HERC1: variants seen among roughly 807,000 people sequenced by gnomAD.
HERC1 encodes the protein HECT and RLD domain containing E3 ubiquitin protein ligase family member 1.
HERC1 carries 160 observed loss-of-function variants against 554.3 expected under a neutral mutation model. The observed-to-expected ratio is 0.29, with a 90% confidence interval of 0.25 to 0.33. The LOEUF is 0.33. Among genes scored for constraint, HERC1 ranks in the 10% least tolerant of loss-of-function variants. HERC1 has a pLI of 1.00. For missense variants in HERC1, 4,919 were observed against 5,918.5 expected, an observed-to-expected ratio of 0.83 and a Z score of 5.54; for synonymous variants, 2,175 against 2,131.7, an observed-to-expected ratio of 1.02 and a Z score of -0.56.
intron 74 of HERC1, among the ~76,000 whole-genome samples, chr15:63,622,315 G>C (rs2068113286): frequency 6.9e-6 from 1 of 145,364 alleles, no homozygotes; most frequent in Non-Finnish European, 1.5e-5. Flanking sequence ...CTTGATGGAA[G>C]TGCCTGTTTC....
chr15:63,765,849 G>C (rs1322944104), intron 2 of HERC1, among the ~76,000 whole-genome samples: 2 of 152,036 alleles, frequency 1.3e-5, no homozygotes, highest in Non-Finnish European at 2.9e-5. Flanking sequence ...CTTAACCTTG[G>C]CAAAATAAAC....
chr15:63,687,790 A>C (rs992823469), intron 33 of HERC1, among the ~76,000 whole-genome samples: 1 of 152,138 alleles, frequency 6.6e-6, no homozygotes, highest in Non-Finnish European at 1.5e-5. Context: ...TAGATTGATT[A>C]GGGAAGGCCT....
At position 63,720,103 on chromosome 15, in the gene HERC1, C is replaced by CTTTTT. The variant is rs573648232; in HGVS notation, c.3743-1211_3743-1207dup. ...GGACTAGTCAGGTGCTTTTTCTTCC[C>CTTTTT]TTTTTTTTTTTTTTTAAGAGACAGG... On this transcript the variant is annotated intron_variant, in intron 19 of 77. Coordinates refer to ENST00000443617, the MANE Select transcript of HERC1 (RefSeq NM_003922.4). Among the ~76,000 whole-genome samples, 134 of 71,598 alleles carry CTTTTT rather than the reference C, an allele frequency of 1.9e-3. 23 individuals are homozygous for CTTTTT. The highest frequency in any genetic ancestry group is 0.014 in the Middle Eastern group (1 of 72). The allele number at this position is 71,598 out of a possible 152,430, so 47.0% of individuals were successfully genotyped here.
At chr15:63,809,418 G>A (rs1424080208) in intron 1 of HERC1, among the ~76,000 whole-genome samples, 2 of 152,178 alleles carry the variant, frequency 1.3e-5, no homozygotes, top group East Asian at 3.8e-4. Context: ...ACAAAGCAGT[G>A]CTCCTAAAAG....
intron 1 of HERC1, among the ~76,000 whole-genome samples, chr15:63,826,784 TAAAAAAAAAAAAA>T (rs71456333): frequency 0.022 from 812 of 36,880 alleles, 47 homozygotes; most frequent in African/African-American, 0.066. Flanking sequence ...TTATCTCTGG[TAAAAAAAAAAAAA>T]AAAAAAAAAA....
intron 74 of HERC1, among the ~76,000 whole-genome samples, chr15:63,621,132 C>G (rs2068059176): frequency 6.6e-6 from 1 of 152,136 alleles, no homozygotes; most frequent in East Asian, 1.9e-4. Flanking sequence ...TGGCTGGTAC[C>G]AGTTCTTCCT....
chr15:63,650,127 GCA>G (rs938192859), intron 53 of HERC1, among the ~76,000 whole-genome samples: 2 of 152,042 alleles, frequency 1.3e-5, no homozygotes, highest in African/African-American at 4.8e-5. Flanking sequence ...TTTCAGCCGG[GCA>G]CAGTGGCTCA....
rs2067642366 is a variant in HERC1, at chr15:63,612,476, C to G, written c.14175G>C (p.Gln4725His). The change falls in exon 77 of 78, where the codon CAG becomes CAC. Residue 4725 changes from glutamine (Q) to histidine (H), a missense_variant. Physicochemically the swap from Gln to His is conservative, Grantham distance 24. This residue lies in a region of HERC1 where 284 missense variants were observed against 294.1 expected (regional missense o/e 0.97). Coordinates refer to ENST00000443617, the MANE Select transcript of HERC1 (RefSeq NM_003922.4). This position sits in a 1 kb window ranked among gnomAD's most constrained non-coding sequence, Gnocchi z 5.0. ...AGATCTCGGGCATCCCACACACCAT[C>G]TGCTCCAGTTGTTTTGCTGTGAGGA... ...LSLLTAKQLE[Q>H]MVCGMPEISV... is the part of the protein sequence containing the mutation. 6 of 1,614,058 alleles carry G rather than the reference C, an allele frequency of 3.7e-6. No homozygotes were observed. The highest frequency in any genetic ancestry group is 5.1e-6 in the Non-Finnish European group (6 of 1,179,902).
At position 63,774,971 on chromosome 15, in the gene HERC1, C is replaced by G. The variant is rs764763896; in HGVS notation, c.653G>C (p.Gly218Ala). The G allele has an allele frequency of 3.3e-5, 53 of 1,613,862 alleles. No individual in the cohort carries two copies. The highest frequency in any genetic ancestry group is 5.5e-5 in the South Asian group (5 of 91,090). The change falls in exon 2 of 78, where the codon GGC becomes GCC. Residue 218 changes from glycine (G) to alanine (A), a missense_variant. Physicochemically the swap from Gly to Ala is moderately conservative, Grantham distance 60. This residue lies in a region of HERC1 where 744 missense variants were observed against 1,090.0 expected (regional missense o/e 0.68). Coordinates refer to ENST00000443617, the MANE Select transcript of HERC1 (RefSeq NM_003922.4). ...LANESKIPPM[G>A]LDCLSQVTTF... Reference sequence around the variant, plus strand: ...TGTTACTTGCGATAAGCAGTCCAAGCCCATAGGAGGAATCTTGCTTTCATT... The same window carrying G: ...TGTTACTTGCGATAAGCAGTCCAAGGCCATAGGAGGAATCTTGCTTTCATT...
At chr15:63,786,217 G>A (rs1021710501) in intron 1 of HERC1, among the ~76,000 whole-genome samples, 1 of 150,056 alleles carries the variant, frequency 6.7e-6, no homozygotes, top group Non-Finnish European at 1.5e-5. Flanking sequence ...TGCTATGATT[G>A]TGCCTGAGAA....
chr15:63,662,168 C>A (rs2070391250), intron 44 of HERC1, 147 bp from the exon 45 acceptor site: 3 of 891,980 alleles, frequency 3.4e-6, no homozygotes, highest in Non-Finnish European at 3.3e-6. Context: ...AAATTTCTTT[C>A]AAATCAGAAT....
At chr15:63,787,953 C>G (rs1292606832) in intron 1 of HERC1, among the ~76,000 whole-genome samples, 3 of 136,318 alleles carry the variant, frequency 2.2e-5, no homozygotes, top group African/African-American at 8.4e-5. Context: ...AGGGTGAGAC[C>G]CTGTCTCAAA....
At chr15:63,676,380 T>C (rs1404774147) in intron 37 of HERC1, among the ~76,000 whole-genome samples, 2 of 152,224 alleles carry the variant, frequency 1.3e-5, no homozygotes, top group South Asian at 2.1e-4. Context: ...TTTATGTGTA[T>C]GTATTTTTTG....
intron 12 of HERC1, among the ~76,000 whole-genome samples, chr15:63,737,205 G>T (rs1388635407): frequency 1.3e-5 from 2 of 150,622 alleles, no homozygotes; most frequent in African/African-American, 2.4e-5. Context: ...TAAAGCAGAG[G>T]GGGGAAAAGA....
At chr15:63,831,264 G>A (rs899600530) in intron 1 of HERC1, among the ~76,000 whole-genome samples, 9 of 151,934 alleles carry the variant, frequency 5.9e-5, no homozygotes, top group African/African-American at 1.7e-4. Flanking sequence ...GCACCACCAC[G>A]TCCAGCAAAT....
chr15:63,684,105 A>G (rs1246576302), intron 34 of HERC1, among the ~76,000 whole-genome samples: 4 of 152,208 alleles, frequency 2.6e-5, no homozygotes, highest in African/African-American at 9.6e-5. Context: ...ATCCACGAAA[A>G]GAGTGTGTTT....
At chr15:63,685,748 G>A (rs567781316) in intron 34 of HERC1, among the ~76,000 whole-genome samples, 2 of 152,272 alleles carry the variant, frequency 1.3e-5, no homozygotes, top group South Asian at 2.1e-4. Flanking sequence ...GCAAAAGAAG[G>A]AGTTAACACA....
chr15:63,790,729 C>G (rs1352711662), intron 1 of HERC1, among the ~76,000 whole-genome samples: 2 of 151,286 alleles, frequency 1.3e-5, no homozygotes, highest in Admixed American at 1.3e-4. Context: ...TTAAAAATGA[C>G]TGCATAAACA....
intron 1 of HERC1, among the ~76,000 whole-genome samples, chr15:63,808,124 C>CAAA (rs148179105): frequency 0.031 from 4,467 of 144,732 alleles, 202 homozygotes; most frequent in African/African-American, 0.1. Flanking sequence ...TTCTAGTTGA[C>CAAA]AAAAAAAAAA....
Sources: gnomAD v4.1 joint callset for allele counts (sites outside exome capture counted in the v4.1 genomes callset) on GRCh38, gnomAD v4.1.1 for gene constraint, gnomAD v4.1.1 regional missense constraint, Gnocchi (gnomAD v3.1) non-coding constraint, MANE v1.5 for transcripts, NCBI Gene and HGNC (gene_info 2026-07-23, HGNC 2026-07-21) for gene names.